The following DENND5B variants were observed in gnomAD, a reference collection of about 807,000 sequenced individuals.
DENND5B encodes DENN domain containing 5B, also known as DENN domain-containing protein 5B.
DENND5B carries 34 observed loss-of-function variants against 140.6 expected under a neutral mutation model. That is an observed-to-expected ratio of 0.24 (90% CI 0.18 to 0.32). The LOEUF is 0.32. Among genes scored for constraint, DENND5B ranks in the 10% least tolerant of loss-of-function variants. The probability of loss-of-function intolerance (pLI) is 1.00; values close to 1 mark genes in which losing one functional copy is unlikely to be tolerated. For missense variants in DENND5B, 1,142 were observed against 1,560.2 expected (o/e 0.73, Z 4.52); for synonymous variants, 551 against 562.1 (o/e 0.98, Z 0.28).
At chr12:31,547,487 C>CT (rs1228887496) in intron 1 of DENND5B, among the ~76,000 whole-genome samples, 3 of 152,072 alleles carry the variant, frequency 2.0e-5, no homozygotes, top group Admixed American at 2.0e-4. Flanking sequence ...CAACCTCTGC[C>CT]TCCTGGGTTC....
intron 6 of DENND5B, chr12:31,443,663 A>T (rs1213149664): frequency 6.6e-6 from 1 of 152,214 alleles, no homozygotes; most frequent in Non-Finnish European, 1.5e-5. Context: ...AGACGCAAGC[A>T]CAATGGCCTT....
intron 9 of DENND5B, 82 bp from the exon 10 acceptor site, chr12:31,424,769 G>A: frequency 6.5e-7 from 1 of 1,530,962 alleles, no homozygotes; most frequent in African/African-American, 1.4e-5. Context: ...TAGGAGACTT[G>A]GTTTCCCTTC....
At chr12:31,425,757 C>T (rs899115664) in intron 9 of DENND5B, among the ~76,000 whole-genome samples, 2 of 152,160 alleles carry the variant, frequency 1.3e-5, no homozygotes, top group Non-Finnish European at 2.9e-5. Context: ...CAAGAAATGA[C>T]TGTCAAATAA....
At chr12:31,437,937 C>T (rs571975517) in intron 7 of DENND5B, among the ~76,000 whole-genome samples, 3 of 152,302 alleles carry the variant, frequency 2.0e-5, no homozygotes, top group African/African-American at 7.2e-5. Flanking sequence ...CATGGTGATG[C>T]GATTCTGAGT....
intron 1 of DENND5B, among the ~76,000 whole-genome samples, chr12:31,576,863 C>T (rs928100523): frequency 1.3e-5 from 2 of 151,404 alleles, no homozygotes; most frequent in African/African-American, 4.9e-5. Context: ...CACACCACTG[C>T]ACTCCAGCCT....
chr12:31,582,005 A>AC (rs1308554670), intron 1 of DENND5B, among the ~76,000 whole-genome samples: 49 of 152,358 alleles, frequency 3.2e-4, no homozygotes, highest in African/African-American at 9.6e-4. Context: ...TGTTTAGGGA[A>AC]CAATAGCGAG....
chr12:31,400,275 G>A (rs749787881), intron 15 of DENND5B, among the ~76,000 whole-genome samples: 7 of 152,034 alleles, frequency 4.6e-5, no homozygotes, highest in Non-Finnish European at 8.8e-5. Flanking sequence ...TATTTATAGG[G>A]TACATGAGAT....
chr12:31,428,794 C>T (rs1449061833), intron 8 of DENND5B, among the ~76,000 whole-genome samples: 5 of 151,814 alleles, frequency 3.3e-5, no homozygotes, highest in Admixed American at 6.6e-5. Context: ...TGCAGTGGCG[C>T]GATCTCGGCT....
In DENND5B at chr12:31,423,013, T is replaced by G. The variant is rs185874991; in HGVS notation, c.2470+584A>C. On this transcript the variant is annotated intron_variant, in intron 11 of 20. Coordinates refer to ENST00000389082, the MANE Select transcript of DENND5B (RefSeq NM_144973.4). ...TGTAGTGCAGTGGCGCCTTCTCGGC[T>G]CACTGCAACCTTTGCCTCCCGGGTT... 2.6e-5 allele frequency among the ~76,000 whole-genome samples: 4 copies of G among 151,684 alleles called. No homozygotes were observed. The East Asian group carries it at 7.8e-4, about 30-fold the overall frequency.
intron 7 of DENND5B, among the ~76,000 whole-genome samples, chr12:31,437,747 A>G (rs1943843855): frequency 6.6e-6 from 1 of 152,242 alleles, no homozygotes; most frequent in Non-Finnish European, 1.5e-5. Flanking sequence ...ATGAAATCTC[A>G]TGCAGTCATT....
intron 12 of DENND5B, 30 bp downstream of exon 12, chr12:31,415,337 C>T: frequency 6.5e-7 from 1 of 1,540,054 alleles, no homozygotes; most frequent in Non-Finnish European, 8.8e-7. Context: ...GTTATCACCA[C>T]ATGCTAACAC....
chr12:31,401,032 G>A (rs903394670), intron 15 of DENND5B, among the ~76,000 whole-genome samples: 6 of 151,892 alleles, frequency 4.0e-5, no homozygotes, highest in Non-Finnish European at 7.4e-5. Context: ...TAGTAGAGAG[G>A]GGGTTTCTTC....
intron 14 of DENND5B, among the ~76,000 whole-genome samples, chr12:31,405,749 T>A (rs1403298455): frequency 1.3e-5 from 2 of 152,022 alleles, no homozygotes; most frequent in African/African-American, 4.8e-5. Flanking sequence ...GGTTTTATCA[T>A]CTTGGCCAGG....
intron 14 of DENND5B, 109 bp downstream of exon 14, chr12:31,409,154 T>TATGTCACA: frequency 8.6e-7 from 1 of 1,167,816 alleles, no homozygotes; most frequent in Non-Finnish European, 1.1e-6. Flanking sequence ...GACCTGGGCG[T>TATGTCACA]ATGTCACAAT....
At chr12:31,477,794 A>G (rs1253895192) in intron 3 of DENND5B, 3 of 202,998 alleles carry the variant, frequency 1.5e-5, no homozygotes, top group South Asian at 1.1e-4. Context: ...ACACATATCC[A>G]TCAAGTTCAC....
chr12:31,415,947 C>T (rs1015415254), intron 11 of DENND5B, among the ~76,000 whole-genome samples: 23 of 151,994 alleles, frequency 1.5e-4, no homozygotes, highest in Non-Finnish European at 2.9e-4. Flanking sequence ...GCCATTCTCC[C>T]GCCTCAGTCT....
chr12:31,457,879 A>AT (rs542213550), intron 4 of DENND5B, among the ~76,000 whole-genome samples: 113 of 150,588 alleles, frequency 7.5e-4, no homozygotes, highest in South Asian at 5.3e-3. Context: ...ACGCCCGGCT[A>AT]TTTTTTTTGT....
intron 1 of DENND5B, among the ~76,000 whole-genome samples, chr12:31,541,228 A>C (rs1049529383): frequency 3.3e-5 from 5 of 152,102 alleles, no homozygotes; most frequent in African/African-American, 1.2e-4. Context: ...CAAGTTAAAA[A>C]CCTTCTGCAC....
In DENND5B at chr12:31,485,908, C is replaced by T. The variant is rs543736187; in HGVS notation, c.238-5653G>A. Among the ~76,000 whole-genome samples the T allele has an allele frequency of 1.5e-3, 236 of 152,274 alleles. 2 individuals carry two copies. Among genetic ancestry groups the T allele is most frequent in the African/African-American group, 5.4e-3 (226 of 41,558 alleles). ...TATATGCCTGGTCCAGGAGACAGGCCTGTGAGTGGGTGAGCTTTCAGATGA... is the reference window on the plus strand; with the variant it reads ...TATATGCCTGGTCCAGGAGACAGGCTTGTGAGTGGGTGAGCTTTCAGATGA... On this transcript the variant is annotated intron_variant, in intron 2 of 20. Coordinates refer to ENST00000389082, the MANE Select transcript of DENND5B (RefSeq NM_144973.4).
Sources: gnomAD v4.1 joint callset for allele counts (sites outside exome capture counted in the v4.1 genomes callset) on GRCh38, gnomAD v4.1.1 for gene constraint, MANE v1.5 for transcripts, NCBI Gene and HGNC (gene_info 2026-07-23, HGNC 2026-07-21) for gene names.